Variants in ZNF618 observed in about 807,000 individuals in gnomAD.
ZNF618 encodes zinc finger protein 618.
In ZNF618, 34 loss-of-function variants were observed where a neutral mutation model predicts 103.0. The observed-to-expected ratio is 0.33, with a 90% CI of 0.25 to 0.44. ZNF618 has a LOEUF of 0.44. Among genes scored for constraint, ZNF618 ranks in the 20% least tolerant of loss-of-function variants. The probability of loss-of-function intolerance (pLI) is 1.00; values close to 1 mark genes in which losing one functional copy is unlikely to be tolerated. For synonymous variants in ZNF618, 551 were observed against 542.2 expected, an observed-to-expected ratio of 1.02 and a Z score of -0.23; for missense variants, 1,059 against 1,295.4, an observed-to-expected ratio of 0.82 and a Z score of 2.80.
At chr9:114,017,324 T>C (rs986177876) in intron 10 of ZNF618, among the ~76,000 whole-genome samples, 1 of 152,082 alleles carries the variant, frequency 6.6e-6, no homozygotes, top group Non-Finnish European at 1.5e-5. Context: ...GGCCTGCTTG[T>C]GACCTGGGGC....
At chr9:114,034,206 G>T (rs1159341591) in intron 12 of ZNF618, among the ~76,000 whole-genome samples, 3 of 152,180 alleles carry the variant, frequency 2.0e-5, no homozygotes, top group Non-Finnish European at 4.4e-5. Flanking sequence ...CTGCTTTGCG[G>T]AAGGGAATGA....
At chr9:113,955,724 T>C (rs1359934616) in intron 1 of ZNF618, among the ~76,000 whole-genome samples, 3 of 152,218 alleles carry the variant, frequency 2.0e-5, no homozygotes, top group African/African-American at 2.4e-5. Flanking sequence ...TCTGTAATTA[T>C]TTCTCTTTCA....
intron 9 of ZNF618, chr9:114,016,110 C>T: frequency 6.2e-7 from 1 of 1,606,684 alleles, no homozygotes; most frequent in Non-Finnish European, 8.5e-7. Flanking sequence ...AATTTTCCCC[C>T]AGTGAACAAT....
intron 1 of ZNF618, among the ~76,000 whole-genome samples, chr9:113,891,726 A>G (rs942992714): frequency 4.6e-5 from 7 of 152,354 alleles, no homozygotes; most frequent in African/African-American, 1.7e-4. Flanking sequence ...TCTACAGATG[A>G]ATGGATAAAC....
intron 3 of ZNF618, among the ~76,000 whole-genome samples, chr9:113,992,619 A>G (rs1237363626): frequency 2.6e-5 from 4 of 152,156 alleles, no homozygotes; most frequent in Admixed American, 6.5e-5. Flanking sequence ...CTCCGGGCTC[A>G]GAGACGGGCT....
At chr9:114,005,185 G>C (rs1841624537) in intron 6 of ZNF618, among the ~76,000 whole-genome samples, 1 of 152,200 alleles carries the variant, frequency 6.6e-6, no homozygotes, top group South Asian at 2.1e-4. Flanking sequence ...ATACCTGGTA[G>C]AGTTGGGTTT....
At chr9:113,890,107 C>T (rs1829477115) in intron 1 of ZNF618, among the ~76,000 whole-genome samples, 2 of 152,184 alleles carry the variant, frequency 1.3e-5, no homozygotes. Context: ...TACAGGCTCT[C>T]TTTTGGTTTC....
intron 1 of ZNF618, among the ~76,000 whole-genome samples, chr9:113,950,747 C>T (rs1210112304): frequency 6.6e-6 from 1 of 152,100 alleles, no homozygotes; most frequent in Non-Finnish European, 1.5e-5. Flanking sequence ...GGGCTCCAAC[C>T]CGGCCTCAGG....
rs1839705388 is a variant in ZNF618 at position 113,988,485 on chromosome 9, A to G, written c.242A>G (p.Lys81Arg). 1 of 1,613,480 alleles carries G rather than the reference A, an allele frequency of 6.2e-7. No homozygotes were observed. The highest frequency in any genetic ancestry group is 8.5e-7 in the Non-Finnish European group (1 of 1,179,846). Residue 81 changes from lysine (K) to arginine (R), a missense_variant, in exon 3 of 15, where the codon AAG becomes AGG. This residue lies in a region of ZNF618 where 194 missense variants were observed against 209.0 expected (regional missense o/e 0.93). Transcript: ENST00000374126. ...GAGGTGATCTGGCAGGGCGAGGCCA[A>G]GGAGGAGAAGAAGGCGGTCAGCAAG... ...IQEVIWQGEA[K>R]EEKKAVSKDG...
In ZNF618 at chr9:114,050,237, A is replaced by G; in HGVS notation, c.*70A>G. ...TAGAAAAAAACCACACAACACTGTC[A>G]CAAAGAAAAGGAATTTAAGTTCTAA... On this transcript the variant is annotated 3_prime_UTR_variant, in exon 15 of 15. Transcript: ENST00000374126. 1.4e-6 allele frequency: 2 copies of G among 1,480,410 alleles called. No individual in the cohort carries two copies. The highest frequency in any genetic ancestry group is 1.8e-6 in the Non-Finnish European group (2 of 1,116,374). 91.7% of individuals were successfully genotyped at this position (1,480,410 alleles called of 1,614,324 possible). A position where few individuals can be genotyped will look rare whatever the true frequency, so the allele number is the denominator to read the frequency against.
intron 12 of ZNF618, among the ~76,000 whole-genome samples, chr9:114,033,004 C>T (rs2134265145): frequency 6.6e-6 from 1 of 152,318 alleles, no homozygotes; most frequent in Non-Finnish European, 1.5e-5. Context: ...TAGCCTGCGG[C>T]ATCAACTCAG....
rs1846159154 is a variant in ZNF618, at chr9:114,051,866, A to G, written c.*1699A>G. ...AGAGGCGGTTCTGTCACAAATCAGC[A>G]CTCCACCCCCACCACACCTCTCAGT... is the stretch of plus-strand genomic sequence containing the variant. On this transcript the variant is annotated 3_prime_UTR_variant, in exon 15 of 15. Coordinates refer to ENST00000374126, the MANE Select transcript of ZNF618 (RefSeq NM_001318042.2). 1 of 151,074 alleles carries G rather than the reference A, an allele frequency of 6.6e-6. No individual in the cohort carries two copies. Among genetic ancestry groups the G allele is most frequent in the African/African-American group, 2.4e-5 (1 of 40,960 alleles). The allele number at this position is 151,074 out of a possible 1,614,324, so 9.4% of individuals were successfully genotyped here. A position where few individuals can be genotyped will look rare whatever the true frequency, so the allele number is the denominator to read the frequency against.
chr9:113,947,229 G>A (rs1387070349), intron 1 of ZNF618, among the ~76,000 whole-genome samples: 1 of 152,122 alleles, frequency 6.6e-6, no homozygotes. Context: ...ATCGTCCAGG[G>A]GATTTTGGAA....
intron 1 of ZNF618, among the ~76,000 whole-genome samples, chr9:113,929,861 G>T (rs1243988860): frequency 6.6e-6 from 1 of 152,178 alleles, no homozygotes; most frequent in Non-Finnish European, 1.5e-5. Flanking sequence ...TGTCTTTATT[G>T]TTGCTTTAAA....
chr9:113,898,953 G>T (rs1488831625), intron 1 of ZNF618, among the ~76,000 whole-genome samples: 2 of 152,100 alleles, frequency 1.3e-5, no homozygotes, highest in African/African-American at 4.8e-5. Flanking sequence ...GGCATTCCCT[G>T]TAGGTCCTGT....
At chr9:113,949,749 G>C (rs1254203020) in intron 1 of ZNF618, among the ~76,000 whole-genome samples, 2 of 152,254 alleles carry the variant, frequency 1.3e-5, no homozygotes, top group Non-Finnish European at 2.9e-5. Flanking sequence ...GTGTAAGTGT[G>C]TCACTGCCAA....
chr9:114,020,465 G>A (rs1020716790), intron 10 of ZNF618, among the ~76,000 whole-genome samples: 1 of 152,124 alleles, frequency 6.6e-6, no homozygotes, highest in Non-Finnish European at 1.5e-5. Context: ...ATTTCCCCAA[G>A]TATTTAGGGC....
chr9:113,910,673 G>C (rs1383248994), intron 1 of ZNF618, among the ~76,000 whole-genome samples: 7 of 151,996 alleles, frequency 4.6e-5, no homozygotes, highest in Non-Finnish European at 1.0e-4. Flanking sequence ...TCCTAAAGTG[G>C]TTCATCTGAA....
At chr9:114,004,215 A>G (rs1217123262) in intron 6 of ZNF618, among the ~76,000 whole-genome samples, 3 of 152,190 alleles carry the variant, frequency 2.0e-5, no homozygotes, top group Non-Finnish European at 4.4e-5. Context: ...TCTTATGCCA[A>G]AGGAGAGGCC....
Sources: gnomAD v4.1 joint callset for allele counts (sites outside exome capture counted in the v4.1 genomes callset) on GRCh38, gnomAD v4.1.1 for gene constraint, gnomAD v4.1.1 regional missense constraint, MANE v1.5 for transcripts, NCBI Gene and HGNC (gene_info 2026-07-23, HGNC 2026-07-21) for gene names.